Variants in MAPRE3 observed in about 807,000 individuals in gnomAD.
MAPRE3 encodes the protein microtubule-associated protein RP/EB family member 3.
A neutral mutation model predicts 30.5 loss-of-function variants in MAPRE3; 2 were observed. The ratio of observed to expected loss-of-function variants is 0.07; its 90% CI spans 0.03 to 0.21. MAPRE3 has a LOEUF of 0.21. MAPRE3 is among the 10% of genes least tolerant of loss of function. MAPRE3 has a pLI of 1.00. For missense variants in MAPRE3, 204 were observed against 351.8 expected (o/e 0.58, Z 3.36); for synonymous variants, 110 against 127.7 (o/e 0.86, Z 0.93).
At chr2:27,014,205 C>A (rs908191659) in intron 1 of MAPRE3, 1 of 152,154 alleles carries the variant, frequency 6.6e-6, no homozygotes, top group Non-Finnish European at 1.5e-5. Flanking sequence ...TTGATTTTAG[C>A]GATGAGAAAT....
chr2:26,978,711 G>A (rs1042658831), intron 1 of MAPRE3, among the ~76,000 whole-genome samples: 1 of 152,166 alleles, frequency 6.6e-6, no homozygotes, highest in African/African-American at 2.4e-5. Context: ...ATATAAATTT[G>A]CATATCATCT....
At chr2:27,021,286 G>A (rs186329681) in intron 1 of MAPRE3, among the ~76,000 whole-genome samples, 11 of 152,322 alleles carry the variant, frequency 7.2e-5, no homozygotes, top group Admixed American at 5.2e-4. Flanking sequence ...AGAAAAGGGC[G>A]AATTGAGGAA....
chr2:26,990,135 T>C (rs968816232), intron 1 of MAPRE3, among the ~76,000 whole-genome samples: 1 of 152,154 alleles, frequency 6.6e-6, no homozygotes, highest in African/African-American at 2.4e-5. Flanking sequence ...GCCTGAACCA[T>C]TGCCCTCCAG....
chr2:26,992,174 G>T (rs887124202), intron 1 of MAPRE3, among the ~76,000 whole-genome samples: 5 of 151,924 alleles, frequency 3.3e-5, no homozygotes, highest in African/African-American at 1.2e-4. Flanking sequence ...TACTTTTAAA[G>T]TCACATTTTA....
intron 1 of MAPRE3, among the ~76,000 whole-genome samples, chr2:26,974,950 A>G (rs1665987883): frequency 6.6e-6 from 1 of 152,162 alleles, no homozygotes; most frequent in South Asian, 2.1e-4. Flanking sequence ...CCCATCTCTC[A>G]GCACCCCTCT....
intron 1 of MAPRE3, among the ~76,000 whole-genome samples, chr2:26,999,488 C>CTTTTTTTTTTTTTTTTTTTTTTTTTTTTT (rs531651199): frequency 1.3e-5 from 1 of 79,006 alleles, no homozygotes; most frequent in Non-Finnish European, 2.3e-5. Context: ...TTCCTTCTTT[C>CTTTTTTTTTTTTTTTTTTTTTTTTTTTTT]TTTTTTTTTT....
At chr2:26,999,022 A>C (rs984759957) in intron 1 of MAPRE3, among the ~76,000 whole-genome samples, 4 of 152,138 alleles carry the variant, frequency 2.6e-5, no homozygotes, top group Non-Finnish European at 4.4e-5. Flanking sequence ...TGAAAGGAGG[A>C]GAGCATTCCA....
Position 27,023,387 on chromosome 2 carries a change from G to A in MAPRE3, c.177G>A (p.Arg59=). 1 of 1,613,754 alleles carries A rather than the reference G, an allele frequency of 6.2e-7. No homozygotes were observed. ...DMLFPGCVHL[R]KVKFQAKLEH... ...TCTTCCCCGGCTGTGTGCACTTGAG[G>A]AAAGTGAAGTTCCAGGCCAAACTAG... Residue 59 remains arginine (R), a synonymous_variant, in exon 3 of 7, where the codon AGG becomes AGA. Coordinates refer to ENST00000233121, the MANE Select transcript of MAPRE3 (RefSeq NM_012326.4).
intron 1 of MAPRE3, among the ~76,000 whole-genome samples, chr2:26,976,169 C>T (rs1666009997): frequency 1.3e-5 from 2 of 152,172 alleles, no homozygotes; most frequent in African/African-American, 4.8e-5. Flanking sequence ...CTAGGTCAGA[C>T]CTGGCTGGTA....
At chr2:27,006,481 G>C (rs1292745049) in intron 1 of MAPRE3, among the ~76,000 whole-genome samples, 5 of 152,128 alleles carry the variant, frequency 3.3e-5, no homozygotes, top group Non-Finnish European at 7.4e-5. Flanking sequence ...CTAAGGCTGG[G>C]GTGCCGTGGC....
At chr2:27,016,642 C>G (rs1382292800) in intron 1 of MAPRE3, among the ~76,000 whole-genome samples, 1 of 152,108 alleles carries the variant, frequency 6.6e-6, no homozygotes, top group Non-Finnish European at 1.5e-5. Context: ...CCTCGGCCTC[C>G]CAAAGTGCTG....
rs561868499 is a variant in MAPRE3, at chr2:26,988,433, C to G, written c.-8+17631C>G. Among the ~76,000 whole-genome samples, 16 of 152,274 alleles carry G rather than the reference C, an allele frequency of 1.1e-4. No individual in the cohort carries two copies. The South Asian group carries it at 3.3e-3, about 32-fold the overall frequency. Reference sequence around the variant, plus strand: ...GTGGTCATTAATAGCTGCAACTCATCATTGAAATTTTTCAGCAAATTTTTT... The same window carrying G: ...GTGGTCATTAATAGCTGCAACTCATGATTGAAATTTTTCAGCAAATTTTTT... On this transcript the variant is annotated intron_variant, in intron 1 of 6. Transcript: ENST00000233121.
chr2:26,975,857 C>T (rs1478740586), intron 1 of MAPRE3, among the ~76,000 whole-genome samples: 2 of 152,160 alleles, frequency 1.3e-5, no homozygotes, highest in Non-Finnish European at 2.9e-5. Context: ...AAATCAAGCT[C>T]TTAAGTGAGG....
chr2:26,993,490 C>G (rs575870845), intron 1 of MAPRE3, among the ~76,000 whole-genome samples: 25 of 152,330 alleles, frequency 1.6e-4, no homozygotes, highest in Middle Eastern at 3.4e-3. Context: ...GTCAAAATTA[C>G]AGAGTCCCCC....
chr2:26,977,059 G>T (rs1666027714), intron 1 of MAPRE3, among the ~76,000 whole-genome samples: 1 of 152,032 alleles, frequency 6.6e-6, no homozygotes, highest in Admixed American at 6.5e-5. Context: ...ATTAATACCA[G>T]AACTTTTAAT....
At position 26,986,167 on chromosome 2, in the gene MAPRE3, C is replaced by T. The variant is rs545014941; in HGVS notation, c.-8+15365C>T. On this transcript the variant is annotated intron_variant, in intron 1 of 6. Transcript: ENST00000233121. This position sits in a 1 kb window ranked among gnomAD's most constrained non-coding sequence, Gnocchi z 4.2. The stretch of plus-strand genomic sequence containing the variant: ...TAAAGGCTGCCCACATTCACTGGCT[C>T]CTGGCAGCGCATCACTCTGCTTCCA... 2.0e-4 allele frequency among the ~76,000 whole-genome samples: 31 copies of T among 152,182 alleles called. No homozygotes were observed. The highest frequency in any genetic ancestry group is 4.1e-4 in the Non-Finnish European group (28 of 68,030).
At chr2:26,973,299 G>A (rs772447413) in intron 1 of MAPRE3, among the ~76,000 whole-genome samples, 2 of 152,166 alleles carry the variant, frequency 1.3e-5, no homozygotes, top group African/African-American at 4.8e-5. Flanking sequence ...GCATTGTGAA[G>A]CTGAGTTTCT....
chr2:26,973,546 GTTT>G (rs68169162), intron 1 of MAPRE3, among the ~76,000 whole-genome samples: 8 of 122,266 alleles, frequency 6.5e-5, no homozygotes, highest in Admixed American at 1.6e-4. Flanking sequence ...AGAAAATATA[GTTT>G]TTTTTTTTTT....
In MAPRE3 at chr2:27,003,345, G is replaced by A. The variant is rs75480622; in HGVS notation, c.-7-18867G>A. On this transcript the variant is annotated intron_variant, in intron 1 of 6. Transcript: ENST00000233121. ...GGCTGAATGCAGAACACAGGCCAAA[G>A]CCCCAGACCACATCACTACCCCTCT... Among the ~76,000 whole-genome samples, 365 of 152,136 alleles carry A rather than the reference G, an allele frequency of 2.4e-3. 1 individual carries two copies. The highest frequency in any genetic ancestry group is 8.4e-3 in the African/African-American group (349 of 41,500).
Sources: allele counts gnomAD v4.1 joint callset (sites outside exome capture counted in the v4.1 genomes callset), GRCh38; gene constraint gnomAD v4.1.1; non-coding constraint Gnocchi (gnomAD v3.1); transcripts MANE v1.5; gene names NCBI Gene and HGNC (gene_info 2026-07-23, HGNC 2026-07-21).